Variants in NR5A2 observed in about 807,000 individuals in gnomAD.
The protein encoded by NR5A2 is CYP7A promoter-binding factor.
A neutral mutation model predicts 62.7 loss-of-function variants in NR5A2; 26 were observed. That is an observed-to-expected ratio of 0.41 (90% CI 0.30 to 0.58). The LOEUF is 0.58. Among genes scored for constraint, NR5A2 ranks in the 20% least tolerant of loss-of-function variants. The probability of loss-of-function intolerance (pLI) is 0.22; values close to 1 mark genes in which losing one functional copy is unlikely to be tolerated. For missense variants in NR5A2, 541 were observed against 669.1 expected, an observed-to-expected ratio of 0.81 and a Z score of 2.11; for synonymous variants, 246 against 241.7, an observed-to-expected ratio of 1.02 and a Z score of -0.16.
At chr1:200,057,213 A>G (rs1003919877) in intron 5 of NR5A2, among the ~76,000 whole-genome samples, 1 of 152,106 alleles carries the variant, frequency 6.6e-6, no homozygotes, top group African/African-American at 2.4e-5. Flanking sequence ...GCTCTGCTCT[A>G]GGTCATATGG....
intron 7 of NR5A2, among the ~76,000 whole-genome samples, chr1:200,160,527 G>A (rs1352957857): frequency 1.3e-5 from 2 of 152,148 alleles, no homozygotes; most frequent in East Asian, 1.9e-4. Context: ...AATTGGCTAA[G>A]CTAATATTTG....
chr1:200,173,652 A>C (rs999538074), intron 7 of NR5A2, among the ~76,000 whole-genome samples: 1 of 152,198 alleles, frequency 6.6e-6, no homozygotes, highest in Non-Finnish European at 1.5e-5. Flanking sequence ...ATATATTAAG[A>C]TCCCTCTACT....
chr1:200,163,764 G>A (rs980414057), intron 7 of NR5A2, among the ~76,000 whole-genome samples: 1 of 152,152 alleles, frequency 6.6e-6, no homozygotes, highest in Non-Finnish European at 1.5e-5. Flanking sequence ...ACAAGCGTGA[G>A]CCACTGCACC....
chr1:200,095,074 G>GA (rs2102261997), intron 5 of NR5A2, among the ~76,000 whole-genome samples: 1 of 151,896 alleles, frequency 6.6e-6, no homozygotes, highest in East Asian at 1.9e-4. Context: ...CAATGAGGAA[G>GA]AGGGTATAGT....
chr1:200,068,764 C>T (rs990370177), intron 5 of NR5A2, among the ~76,000 whole-genome samples: 5 of 152,208 alleles, frequency 3.3e-5, no homozygotes, highest in East Asian at 1.9e-4. Flanking sequence ...AATCTGCTTC[C>T]GATTTGCAGT....
chr1:200,095,310 A>G (rs1665034659), intron 5 of NR5A2, among the ~76,000 whole-genome samples: 1 of 151,900 alleles, frequency 6.6e-6, no homozygotes, highest in African/African-American at 2.4e-5. Flanking sequence ...TGAAATAGCA[A>G]TGAGATGCCC....
At chr1:200,044,683 A>G (rs1662276286) in intron 3 of NR5A2, 1 of 152,054 alleles carries the variant, frequency 6.6e-6, no homozygotes, top group African/African-American at 2.4e-5. Flanking sequence ...CTCTATAACA[A>G]AGTAAGAATG....
intron 1 of NR5A2, chr1:200,038,796 C>A: frequency 7.7e-7 from 1 of 1,298,052 alleles, no homozygotes; most frequent in Non-Finnish European, 1.0e-6. Context: ...GCATTTACAT[C>A]CCCCCGCCCC....
chr1:200,135,985 T>C (rs1283451891), intron 7 of NR5A2, among the ~76,000 whole-genome samples: 4 of 152,234 alleles, frequency 2.6e-5, no homozygotes, highest in Non-Finnish European at 5.9e-5. Context: ...TTTGATCTAC[T>C]AACCAAAGGC....
chr1:200,139,870 G>T (rs1171177438), intron 7 of NR5A2, among the ~76,000 whole-genome samples: 1 of 152,152 alleles, frequency 6.6e-6, no homozygotes, highest in Non-Finnish European at 1.5e-5. Flanking sequence ...ATATATCAAT[G>T]CATCCCTAAG....
intron 5 of NR5A2, among the ~76,000 whole-genome samples, chr1:200,067,926 C>T (rs1234988717): frequency 6.6e-6 from 1 of 152,128 alleles, no homozygotes; most frequent in Admixed American, 6.5e-5. Context: ...GCTCTGAGCT[C>T]AGGAAACTTT....
chr1:200,059,302 C>T (rs1663078958), intron 5 of NR5A2, among the ~76,000 whole-genome samples: 1 of 152,034 alleles, frequency 6.6e-6, no homozygotes, highest in African/African-American at 2.4e-5. Context: ...GCAGTGAGGT[C>T]CTCCCCAGCT....
chr1:200,052,852 G>A (rs1012108527), intron 5 of NR5A2, among the ~76,000 whole-genome samples: 19 of 152,198 alleles, frequency 1.2e-4, no homozygotes, highest in South Asian at 4.2e-4. Flanking sequence ...GTGTTAGCCA[G>A]GATGGTCTTG....
intron 5 of NR5A2, among the ~76,000 whole-genome samples, chr1:200,087,067 C>T (rs1484976565): frequency 2.0e-5 from 3 of 152,006 alleles, no homozygotes; most frequent in Admixed American, 6.6e-5. Flanking sequence ...GGGACAATAT[C>T]GGGTAGACAA....
chr1:200,141,701 T>C (rs1667448183), intron 7 of NR5A2, among the ~76,000 whole-genome samples: 1 of 152,210 alleles, frequency 6.6e-6, no homozygotes, highest in Non-Finnish European at 1.5e-5. Context: ...TTTGATCTAT[T>C]TACTAATAAA....
chr1:200,048,320 C>A lies in NR5A2; in HGVS notation c.612C>A (p.Pro204=), dbSNP rs1234240659. 1.4e-5 allele frequency: 23 copies of A among 1,614,040 alleles called. No homozygotes were observed. The highest frequency in any genetic ancestry group is 6.7e-5 in the Admixed American group (4 of 59,996). The change falls in exon 5 of 8, where the codon CCC becomes CCA. Residue 204 remains proline, a synonymous_variant. Transcript: ENST00000367362. This position sits in a 1 kb window ranked among gnomAD's most constrained non-coding sequence, Gnocchi z 4.8. ...TGTCTCAGGTGATCCAAGCTATGCC[C>A]TCTGACCTGACCATTTCCTCTGCAA... The part of the protein sequence containing the change: ...EAMSQVIQAM[P]SDLTISSAIQ...
intron 7 of NR5A2, among the ~76,000 whole-genome samples, chr1:200,171,452 G>T (rs567336354): frequency 2.9e-4 from 44 of 152,240 alleles, no homozygotes; most frequent in African/African-American, 1.0e-3. Flanking sequence ...AGTATTCATA[G>T]AAATTAACCA....
chr1:200,164,867 G>GA (rs1653820480), intron 7 of NR5A2, among the ~76,000 whole-genome samples: 1 of 63,896 alleles, frequency 1.6e-5, no homozygotes, highest in Non-Finnish European at 2.7e-5. Flanking sequence ...TTTTAGAGCA[G>GA]TTTTTTTTTT....
At chr1:200,103,961 C>T (rs1462220844) in intron 5 of NR5A2, among the ~76,000 whole-genome samples, 3 of 151,972 alleles carry the variant, frequency 2.0e-5, no homozygotes, top group Admixed American at 6.6e-5. Flanking sequence ...TTGGGCGTGA[C>T]GTACATGGGA....
Sources: allele counts gnomAD v4.1 joint callset (sites outside exome capture counted in the v4.1 genomes callset), GRCh38; gene constraint gnomAD v4.1.1; non-coding constraint Gnocchi (gnomAD v3.1); transcripts MANE v1.5; gene names NCBI Gene and HGNC (gene_info 2026-07-23, HGNC 2026-07-21).